The following RNF150 variants were observed in gnomAD, a reference collection of about 807,000 sequenced individuals.
RNF150 encodes the protein ring finger protein 150.
Under a neutral mutation model 39.3 loss-of-function variants are expected in RNF150, and 24 were observed. That is an observed-to-expected ratio of 0.61 (90% CI 0.44 to 0.86). The LOEUF is 0.86. Among genes scored for constraint, RNF150 ranks in the 40% least tolerant of loss-of-function variants. The probability of loss-of-function intolerance (pLI) is 0.00; values close to 1 mark genes in which losing one functional copy is unlikely to be tolerated. For missense variants in RNF150, 502 were observed against 587.8 expected, an observed-to-expected ratio of 0.85 and a Z score of 1.51; for synonymous variants, 255 against 227.3, an observed-to-expected ratio of 1.12 and a Z score of -1.10.
intron 1 of RNF150, among the ~76,000 whole-genome samples, chr4:141,027,912 GTT>G (rs749317137): frequency 3.7e-5 from 1 of 27,102 alleles, no homozygotes; most frequent in Non-Finnish European, 8.6e-5. Context: ...CTTGGAATTT[GTT>G]TTTTTTTTTT....
chr4:140,896,543 C>G (rs1183253903), intron 6 of RNF150, among the ~76,000 whole-genome samples: 1 of 79,194 alleles, frequency 1.3e-5, no homozygotes, highest in Non-Finnish European at 2.5e-5. Context: ...GTGGTGGGGT[C>G]GGGGGAGGGG....
intron 1 of RNF150, among the ~76,000 whole-genome samples, chr4:141,033,181 T>C (rs1361874303): frequency 6.6e-6 from 1 of 152,216 alleles, no homozygotes; most frequent in African/African-American, 2.4e-5. Flanking sequence ...TCCACTGCTT[T>C]ATTAAGTAAG....
At chr4:140,936,410 T>C (rs1373010247) in intron 4 of RNF150, among the ~76,000 whole-genome samples, 1 of 152,192 alleles carries the variant, frequency 6.6e-6, no homozygotes, top group East Asian at 1.9e-4. Context: ...ACTGCATAAC[T>C]TTTAATTTGG....
At chr4:141,074,235 A>C (rs530323437) in intron 1 of RNF150, among the ~76,000 whole-genome samples, 1 of 152,014 alleles carries the variant, frequency 6.6e-6, no homozygotes, top group South Asian at 2.1e-4. Flanking sequence ...GCAATTCACA[A>C]CCACAATGAT....
intron 1 of RNF150, among the ~76,000 whole-genome samples, chr4:141,185,825 A>G (rs371200577): frequency 1.3e-5 from 2 of 152,194 alleles, no homozygotes; most frequent in Non-Finnish European, 2.9e-5. Context: ...TACGTGATGA[A>G]TTATGTTTAT....
intron 1 of RNF150, among the ~76,000 whole-genome samples, chr4:141,017,543 C>T (rs1437618045): frequency 6.6e-6 from 1 of 152,160 alleles, no homozygotes; most frequent in Non-Finnish European, 1.5e-5. Context: ...TTTGGGTTCA[C>T]TTCTGGTGTA....
At chr4:141,157,221 C>CT (rs1432704905) in intron 1 of RNF150, among the ~76,000 whole-genome samples, 1 of 152,110 alleles carries the variant, frequency 6.6e-6, no homozygotes, top group Admixed American at 6.6e-5. Context: ...TATCTCCCCC[C>CT]CCAAAAATGT....
chr4:140,952,961 C>G (rs1325765448), intron 2 of RNF150, among the ~76,000 whole-genome samples: 1 of 152,192 alleles, frequency 6.6e-6, no homozygotes, highest in Non-Finnish European at 1.5e-5. Context: ...CACATAGGCT[C>G]TATGGTATAG....
At chr4:141,191,501 G>T (rs1004544508) in intron 1 of RNF150, among the ~76,000 whole-genome samples, 8 of 152,138 alleles carry the variant, frequency 5.3e-5, no homozygotes, top group African/African-American at 1.9e-4. Flanking sequence ...GTATCTATTT[G>T]TAAAAATGTA....
chr4:141,000,276 C>A (rs1477624103), intron 1 of RNF150, among the ~76,000 whole-genome samples: 1 of 152,012 alleles, frequency 6.6e-6, no homozygotes, highest in Admixed American at 6.6e-5. Flanking sequence ...GAATGCAGAG[C>A]AAAATGTTAT....
At chr4:140,892,948 G>C (rs1245473998) in intron 6 of RNF150, among the ~76,000 whole-genome samples, 1 of 152,080 alleles carries the variant, frequency 6.6e-6, no homozygotes, top group East Asian at 1.9e-4. Context: ...TGTACCTGTA[G>C]TCCCAGCTAC....
chr4:141,015,588 T>G (rs911529167), intron 1 of RNF150, among the ~76,000 whole-genome samples: 4 of 152,190 alleles, frequency 2.6e-5, no homozygotes, highest in Non-Finnish European at 5.9e-5. Context: ...TGCTGATTTT[T>G]GGGTGCTGAT....
chr4:141,004,545 T>C (rs1283137600), intron 1 of RNF150, among the ~76,000 whole-genome samples: 2 of 152,188 alleles, frequency 1.3e-5, no homozygotes, highest in Non-Finnish European at 2.9e-5. Flanking sequence ...TGTCTGAAAA[T>C]GTTCTAGAAA....
At chr4:141,159,006 G>C (rs1000909113) in intron 1 of RNF150, among the ~76,000 whole-genome samples, 1 of 152,170 alleles carries the variant, frequency 6.6e-6, no homozygotes, top group Non-Finnish European at 1.5e-5. Flanking sequence ...TTTCATAAAA[G>C]AAAGTGTTTC....
chr4:141,165,867 C>A (rs966973990), intron 1 of RNF150, among the ~76,000 whole-genome samples: 4 of 151,808 alleles, frequency 2.6e-5, no homozygotes, highest in African/African-American at 9.7e-5. Flanking sequence ...AAATTGACAC[C>A]CTAACATCAC....
At chr4:141,025,564 G>T (rs1471518545) in intron 1 of RNF150, among the ~76,000 whole-genome samples, 1 of 151,956 alleles carries the variant, frequency 6.6e-6, no homozygotes, top group South Asian at 2.1e-4. Context: ...GAATGGGGAA[G>T]AAATTGGTAA....
At chr4:141,022,209 GT>G (rs1020337210) in intron 1 of RNF150, among the ~76,000 whole-genome samples, 3 of 151,886 alleles carry the variant, frequency 2.0e-5, no homozygotes, top group Admixed American at 1.3e-4. Context: ...TTTGCACTGG[GT>G]TTTTTTTATT....
chr4:140,997,545 C>T (rs943345428), intron 1 of RNF150, among the ~76,000 whole-genome samples: 37 of 152,058 alleles, frequency 2.4e-4, no homozygotes, highest in Non-Finnish European at 4.6e-4. Flanking sequence ...ATGAGCAAAT[C>T]CAACACTTAA....
chr4:140,988,325 C>T (rs891266077), intron 1 of RNF150, among the ~76,000 whole-genome samples: 2 of 152,054 alleles, frequency 1.3e-5, no homozygotes, highest in African/African-American at 4.8e-5. Context: ...GTACTGTTTA[C>T]AACAGCAAAG....
Sources: allele counts gnomAD v4.1 joint callset (sites outside exome capture counted in the v4.1 genomes callset), GRCh38; gene constraint gnomAD v4.1.1; transcripts MANE v1.5; gene names NCBI Gene and HGNC (gene_info 2026-07-23, HGNC 2026-07-21).